KCNIP4: variants seen among roughly 807,000 people sequenced by gnomAD.
KCNIP4 encodes the protein potassium voltage-gated channel interacting protein 4, also known as Kv channel-interacting protein 4.
Under a neutral mutation model 34.0 loss-of-function variants are expected in KCNIP4, and 12 were observed. The observed-to-expected ratio is 0.35, with a 90% CI of 0.23 to 0.57. The LOEUF (loss-of-function observed/expected upper bound fraction) is 0.57. Ranked by LOEUF, KCNIP4 falls within the 20% of genes least tolerant of loss-of-function variation. KCNIP4 has a pLI of 0.83. For missense variants in KCNIP4, 238 were observed against 311.7 expected, an observed-to-expected ratio of 0.76 and a Z score of 1.78; for synonymous variants, 124 against 102.2, an observed-to-expected ratio of 1.21 and a Z score of -1.29.
At chr4:21,920,246 T>G (rs1038059090) in intron 1 of KCNIP4, among the ~76,000 whole-genome samples, 1 of 152,190 alleles carries the variant, frequency 6.6e-6, no homozygotes. Flanking sequence ...TGACTTTTTG[T>G]ATCTGTAGGT....
chr4:20,767,447 G>A (rs918982035), intron 3 of KCNIP4: 2 of 152,192 alleles, frequency 1.3e-5, no homozygotes, highest in Non-Finnish European at 2.9e-5. Context: ...ATCATGGAAA[G>A]TGTTGGGAAG....
chr4:20,883,583 C>T (rs146973042), intron 1 of KCNIP4, among the ~76,000 whole-genome samples: 2 of 152,164 alleles, frequency 1.3e-5, no homozygotes, highest in East Asian at 3.9e-4. Context: ...AACTAGCCTC[C>T]CCGAGATCAG....
At chr4:21,258,433 C>A (rs947757010) in intron 1 of KCNIP4, among the ~76,000 whole-genome samples, 65 of 152,212 alleles carry the variant, frequency 4.3e-4, no homozygotes, top group African/African-American at 1.6e-3. Flanking sequence ...GTGACCCCGA[C>A]CTTTTCTTTA....
At chr4:20,801,923 G>A (rs1053941187) in intron 3 of KCNIP4, among the ~76,000 whole-genome samples, 2 of 151,708 alleles carry the variant, frequency 1.3e-5, no homozygotes, top group East Asian at 1.9e-4. Flanking sequence ...ATTACATGCC[G>A]CTTGTAAGAG....
intron 1 of KCNIP4, among the ~76,000 whole-genome samples, chr4:21,625,032 T>C (rs1745231338): frequency 6.6e-6 from 1 of 152,036 alleles, no homozygotes; most frequent in African/African-American, 2.4e-5. Context: ...TGATCTGAGG[T>C]TCCAAATTAT....
chr4:21,314,818 A>G (rs1031743644), intron 1 of KCNIP4, among the ~76,000 whole-genome samples: 4 of 152,220 alleles, frequency 2.6e-5, no homozygotes, highest in Non-Finnish European at 4.4e-5. Context: ...AGGCAGAAAG[A>G]ACTATCTAGA....
intron 1 of KCNIP4, among the ~76,000 whole-genome samples, chr4:21,274,029 T>C (rs1024190911): frequency 1.3e-5 from 2 of 152,204 alleles, no homozygotes; most frequent in African/African-American, 4.8e-5. Context: ...AAAAGAATGA[T>C]TAGACTAAGG....
At chr4:21,104,290 C>A (rs1257024439) in intron 1 of KCNIP4, among the ~76,000 whole-genome samples, 2 of 152,110 alleles carry the variant, frequency 1.3e-5, no homozygotes, top group African/African-American at 4.8e-5. Flanking sequence ...GCCATTCTAA[C>A]TGGTGTGAGA....
At chr4:21,358,178 G>T (rs1426317929) in intron 1 of KCNIP4, among the ~76,000 whole-genome samples, 1 of 152,012 alleles carries the variant, frequency 6.6e-6, no homozygotes, top group Non-Finnish European at 1.5e-5. Context: ...AGGTGGTGGG[G>T]GGCTGGTGGA....
At chr4:21,152,025 G>A (rs566791713) in intron 1 of KCNIP4, among the ~76,000 whole-genome samples, 146 of 152,252 alleles carry the variant, frequency 9.6e-4, no homozygotes, top group South Asian at 2.7e-3. Flanking sequence ...GGCAGAGATG[G>A]GCAGATCACT....
intron 1 of KCNIP4, among the ~76,000 whole-genome samples, chr4:21,934,049 T>C (rs1051926342): frequency 6.6e-6 from 1 of 152,074 alleles, no homozygotes; most frequent in Non-Finnish European, 1.5e-5. Flanking sequence ...AGTAATGTTA[T>C]GTATTCTGAG....
At chr4:21,428,030 G>C (rs935731320) in intron 1 of KCNIP4, among the ~76,000 whole-genome samples, 1 of 152,168 alleles carries the variant, frequency 6.6e-6, no homozygotes, top group Admixed American at 6.5e-5. Flanking sequence ...GGGTAAAGGA[G>C]AGAGTATTTT....
intron 1 of KCNIP4, among the ~76,000 whole-genome samples, chr4:21,754,231 C>T (rs2109150425): frequency 6.6e-6 from 1 of 152,230 alleles, no homozygotes; most frequent in East Asian, 1.9e-4. Flanking sequence ...GAAAGTTCTC[C>T]TTCTAAAAAA....
chr4:21,022,981 C>G (rs1428086073), intron 1 of KCNIP4, among the ~76,000 whole-genome samples: 1 of 152,070 alleles, frequency 6.6e-6, no homozygotes, highest in Non-Finnish European at 1.5e-5. Flanking sequence ...CACCACCATG[C>G]CTGGCTAATT....
At chr4:21,456,205 T>C (rs1262157796) in intron 1 of KCNIP4, among the ~76,000 whole-genome samples, 1 of 147,516 alleles carries the variant, frequency 6.8e-6, no homozygotes, top group Middle Eastern at 3.5e-3. Flanking sequence ...CATTAAGTAA[T>C]TTCCCCAAAT....
rs187505727 is a variant in KCNIP4, at chr4:21,734,653, G to C, written c.61+213918C>G. Among the ~76,000 whole-genome samples the C allele has an allele frequency of 3.9e-5, 6 of 152,102 alleles. No homozygotes were observed. The East Asian group carries it at 1.2e-3, about 29-fold the overall frequency. ...CTATCTTTAAACACTTGACTCAATT[G>C]GTAGACAAAAATTTTTTAAAGTGGT... is the stretch of plus-strand genomic sequence containing the variant. On this transcript the variant is annotated intron_variant, in intron 1 of 8. Transcript: ENST00000382152.
At chr4:21,042,860 A>C (rs1742085731) in intron 1 of KCNIP4, among the ~76,000 whole-genome samples, 1 of 152,168 alleles carries the variant, frequency 6.6e-6, no homozygotes, top group African/African-American at 2.4e-5. Context: ...ATTATGCGAT[A>C]ATTTTCTTTG....
intron 1 of KCNIP4, among the ~76,000 whole-genome samples, chr4:21,253,221 T>A (rs1438746319): frequency 1.3e-5 from 2 of 152,170 alleles, no homozygotes; most frequent in African/African-American, 4.8e-5. Context: ...CCTTGACAAA[T>A]CTTATACTCC....
At chr4:21,020,688 T>C (rs1198606870) in intron 1 of KCNIP4, among the ~76,000 whole-genome samples, 7 of 152,196 alleles carry the variant, frequency 4.6e-5, no homozygotes, top group Non-Finnish European at 1.0e-4. Context: ...AAACTTTCAT[T>C]GCATTATTTT....
Sources: allele counts gnomAD v4.1 joint callset (sites outside exome capture counted in the v4.1 genomes callset), GRCh38; gene constraint gnomAD v4.1.1; transcripts MANE v1.5; gene names NCBI Gene and HGNC (gene_info 2026-07-23, HGNC 2026-07-21).